The following SORCS1 variants were observed in gnomAD, a reference collection of about 807,000 sequenced individuals.
SORCS1 encodes the protein sortilin related VPS10 domain containing receptor 1.
Under a neutral mutation model 146.1 loss-of-function variants are expected in SORCS1, and 60 were observed. The observed-to-expected ratio is 0.41, with a 90% CI of 0.33 to 0.51. The LOEUF is 0.51. Among genes scored for constraint, SORCS1 ranks in the 20% least tolerant of loss-of-function variants. SORCS1 has a pLI of 0.21. For missense variants in SORCS1, 1,352 were observed against 1,487.6 expected, an observed-to-expected ratio of 0.91 and a Z score of 1.50; for synonymous variants, 637 against 584.0, an observed-to-expected ratio of 1.09 and a Z score of -1.31.
chr10:106,880,346 T>C (rs533317157), intron 2 of SORCS1, among the ~76,000 whole-genome samples: 2 of 152,346 alleles, frequency 1.3e-5, no homozygotes, highest in East Asian at 3.9e-4. Flanking sequence ...AAATCATCTT[T>C]TTTGTGTTAA....
intron 3 of SORCS1, among the ~76,000 whole-genome samples, chr10:106,792,505 C>G (rs531832446): frequency 6.0e-4 from 92 of 152,338 alleles, no homozygotes; most frequent in African/African-American, 2.0e-3. Flanking sequence ...AAACAAACCT[C>G]AAGAGAGTGA....
At chr10:107,083,025 T>C (rs904864475) in intron 1 of SORCS1, among the ~76,000 whole-genome samples, 3 of 146,256 alleles carry the variant, frequency 2.1e-5, no homozygotes, top group African/African-American at 7.6e-5. Context: ...AGGAGAATGG[T>C]GTGAACCTGG....
intron 24 of SORCS1, among the ~76,000 whole-genome samples, chr10:106,584,115 GA>G (rs753370089): frequency 2.6e-5 from 4 of 152,078 alleles, no homozygotes; most frequent in Non-Finnish European, 5.9e-5. Context: ...TATATGCTTT[GA>G]ATATCACAAA....
intron 3 of SORCS1, among the ~76,000 whole-genome samples, chr10:106,813,715 A>G (rs1047330722): frequency 1.3e-5 from 2 of 152,158 alleles, no homozygotes; most frequent in African/African-American, 4.8e-5. Context: ...CAGGAGGATC[A>G]CTTGGGCCCA....
chr10:106,976,343 T>TGTTTTTTTTTG (rs1354516832), intron 1 of SORCS1, among the ~76,000 whole-genome samples: 3 of 36,038 alleles, frequency 8.3e-5, no homozygotes, highest in African/African-American at 4.5e-4. Flanking sequence ...GTTTTTTTTT[T>TGTTTTTTTTTG]TTTTTTGAGA....
At chr10:106,849,281 A>T (rs1181948819) in intron 2 of SORCS1, among the ~76,000 whole-genome samples, 3 of 150,198 alleles carry the variant, frequency 2.0e-5, no homozygotes, top group African/African-American at 7.3e-5. Context: ...GGCTTTGCTC[A>T]TTTCTTTTTA....
chr10:106,800,719 T>C lies in SORCS1; in HGVS notation c.727-24027A>G, dbSNP rs181603605. ...TTGTTTGTTTGTTTGTTTTGTTTTGTTTTAGTAGAGACGGGGTTTCACCGT... is the reference window on the plus strand; with the variant it reads ...TTGTTTGTTTGTTTGTTTTGTTTTGCTTTAGTAGAGACGGGGTTTCACCGT... On this transcript the variant is annotated intron_variant, in intron 3 of 25. Coordinates refer to ENST00000263054, the MANE Select transcript of SORCS1 (RefSeq NM_052918.5). Among the ~76,000 whole-genome samples the C allele has an allele frequency of 3.4e-3, 523 of 152,046 alleles. 8 individuals carry two copies. Among genetic ancestry groups the C allele is most frequent in the Admixed American group, 0.024 (373 of 15,240 alleles).
intron 2 of SORCS1, among the ~76,000 whole-genome samples, chr10:106,879,556 T>C (rs949927306): frequency 1.3e-5 from 2 of 152,246 alleles, no homozygotes; most frequent in Non-Finnish European, 2.9e-5. Context: ...GTGTGGTTAC[T>C]GATCAGTTGT....
At chr10:106,832,040 T>C (rs1453873344) in intron 2 of SORCS1, among the ~76,000 whole-genome samples, 3 of 152,220 alleles carry the variant, frequency 2.0e-5, no homozygotes, top group Non-Finnish European at 2.9e-5. Context: ...ATCTTATTAA[T>C]GAATCACAAC....
intron 1 of SORCS1, among the ~76,000 whole-genome samples, chr10:107,110,697 T>C (rs769883702): frequency 3.6e-5 from 5 of 140,628 alleles, no homozygotes; most frequent in Admixed American, 7.7e-5. Flanking sequence ...ATATCCAAAC[T>C]ATATCATTGT....
chr10:106,850,249 G>T (rs905331573), intron 2 of SORCS1, among the ~76,000 whole-genome samples: 82 of 151,988 alleles, frequency 5.4e-4, no homozygotes, highest in Non-Finnish European at 9.1e-4. Flanking sequence ...CTCCGTGGGT[G>T]GAGGACCCTC....
chr10:107,021,225 A>G (rs1376180930), intron 1 of SORCS1, among the ~76,000 whole-genome samples: 1 of 152,028 alleles, frequency 6.6e-6, no homozygotes, highest in Non-Finnish European at 1.5e-5. Flanking sequence ...AAGAATATGC[A>G]TATTTGGCCA....
At chr10:107,059,931 A>T (rs187691667) in intron 1 of SORCS1, among the ~76,000 whole-genome samples, 175 of 152,250 alleles carry the variant, frequency 1.1e-3, no homozygotes, top group African/African-American at 3.5e-3. Context: ...TAGACGTTCT[A>T]CTAAATGAAA....
chr10:106,696,369 C>T (rs753274165), intron 9 of SORCS1, among the ~76,000 whole-genome samples: 1 of 152,232 alleles, frequency 6.6e-6, no homozygotes. Flanking sequence ...CTAGCCAGAA[C>T]AATCAGATTT....
intron 1 of SORCS1, among the ~76,000 whole-genome samples, chr10:106,976,482 C>T (rs979417988): frequency 2.6e-5 from 4 of 151,886 alleles, no homozygotes; most frequent in African/African-American, 9.7e-5. Flanking sequence ...CAGAAGCCCG[C>T]CACCACACCC....
intron 1 of SORCS1, among the ~76,000 whole-genome samples, chr10:107,132,737 T>C (rs978967409): frequency 6.6e-6 from 1 of 152,274 alleles, no homozygotes; most frequent in African/African-American, 2.4e-5. Context: ...CTGATTGTGA[T>C]TATTGTCTGT....
At chr10:107,106,866 C>G (rs1270476768) in intron 1 of SORCS1, among the ~76,000 whole-genome samples, 2 of 152,192 alleles carry the variant, frequency 1.3e-5, no homozygotes, top group African/African-American at 2.4e-5. Flanking sequence ...TCTCTCTCAT[C>G]CCTTCTGCCA....
At chr10:106,706,098 A>G (rs560997843) in intron 8 of SORCS1, among the ~76,000 whole-genome samples, 2 of 152,266 alleles carry the variant, frequency 1.3e-5, no homozygotes, top group East Asian at 3.9e-4. Context: ...TTAGAAAACC[A>G]ATACATATGG....
At chr10:106,716,291 G>A (rs1242704000) in intron 6 of SORCS1, among the ~76,000 whole-genome samples, 2 of 152,138 alleles carry the variant, frequency 1.3e-5, no homozygotes, top group African/African-American at 4.8e-5. Flanking sequence ...TCCTGTTGGA[G>A]CTATCTTCTA....
Sources: gnomAD v4.1 joint callset for allele counts (sites outside exome capture counted in the v4.1 genomes callset) on GRCh38, gnomAD v4.1.1 for gene constraint, MANE v1.5 for transcripts, NCBI Gene and HGNC (gene_info 2026-07-23, HGNC 2026-07-21) for gene names.